The following SVEP1 variants were observed in gnomAD, a reference collection of about 807,000 sequenced individuals.
SVEP1 encodes the protein sushi, von Willebrand factor type A, EGF and pentraxin domain containing 1, also known as sushi, von Willebrand factor type A, EGF and pentraxin domain-containing protein 1.
In SVEP1, 164 loss-of-function variants were observed where a neutral mutation model predicts 367.3. The ratio of observed to expected loss-of-function variants is 0.45; its 90% CI spans 0.39 to 0.51. SVEP1 has a LOEUF of 0.51. Among genes scored for constraint, SVEP1 ranks in the 20% least tolerant of loss-of-function variants. The probability of loss-of-function intolerance (pLI) is 0.00; values close to 1 mark genes in which losing one functional copy is unlikely to be tolerated. For missense variants in SVEP1, 4,117 were observed against 4,425.3 expected, an observed-to-expected ratio of 0.93 and a Z score of 1.98; for synonymous variants, 1,666 against 1,611.6, an observed-to-expected ratio of 1.03 and a Z score of -0.81.
intron 40 of SVEP1, among the ~76,000 whole-genome samples, chr9:110,390,029 A>ATATATATATGTATATATACACG (rs1827606632): frequency 3.0e-5 from 3 of 98,544 alleles, no homozygotes; most frequent in Non-Finnish European, 4.4e-5. Context: ...GTGTGTGTGT[A>ATATATATATGTATATATACACG]TATATATATA....
At chr9:110,550,333 A>G (rs1027927825) in intron 1 of SVEP1, among the ~76,000 whole-genome samples, 1 of 152,216 alleles carries the variant, frequency 6.6e-6, no homozygotes, top group Non-Finnish European at 1.5e-5. Flanking sequence ...ATCCTCATCA[A>G]CATTGCTGAT....
intron 8 of SVEP1, among the ~76,000 whole-genome samples, chr9:110,491,742 G>A (rs1056650311): frequency 2.0e-5 from 3 of 151,754 alleles, no homozygotes; most frequent in Admixed American, 1.3e-4. Flanking sequence ...TATAAATCAT[G>A]GAATAGATAA....
intron 13 of SVEP1, among the ~76,000 whole-genome samples, chr9:110,477,713 C>T (rs139019392): frequency 6.6e-6 from 1 of 152,226 alleles, no homozygotes; most frequent in African/African-American, 2.4e-5. Flanking sequence ...CTCTTTATCC[C>T]ACAATCTACT....
intron 1 of SVEP1, among the ~76,000 whole-genome samples, chr9:110,558,083 T>A (rs567427071): frequency 6.6e-6 from 1 of 152,232 alleles, no homozygotes; most frequent in African/African-American, 2.4e-5. Context: ...AAGATAGATA[T>A]ATCCTCATCC....
chr9:110,573,267 TC>T (rs1830587240), intron 1 of SVEP1, among the ~76,000 whole-genome samples: 1 of 152,074 alleles, frequency 6.6e-6, no homozygotes, highest in Non-Finnish European at 1.5e-5. Flanking sequence ...AAGGCTATTA[TC>T]AGCCTTTGTA....
chr9:110,397,774 C>G (rs1827788533), intron 40 of SVEP1, among the ~76,000 whole-genome samples: 1 of 152,032 alleles, frequency 6.6e-6, no homozygotes, highest in Non-Finnish European at 1.5e-5. Flanking sequence ...ACCTAGGAAT[C>G]CAACTTACAA....
In SVEP1 at chr9:110,482,342, G is replaced by T; in HGVS notation, c.2170+19C>A. On this transcript the variant is annotated intron_variant, in intron 11 of 47. Coordinates refer to ENST00000374469, the MANE Select transcript of SVEP1 (RefSeq NM_153366.4). ...TGTCAAATGTCAACTAGAATTCTGG[G>T]GACTTATGAAGACAATACCTTTTAT... 6.2e-7 allele frequency: 1 copy of T among 1,604,896 alleles called. No individual in the cohort carries two copies.
intron 39 of SVEP1, among the ~76,000 whole-genome samples, chr9:110,401,696 T>A (rs17806526): frequency 0.19 from 29,160 of 151,598 alleles, 2,957 homozygotes; most frequent in Middle Eastern, 0.32. Flanking sequence ...TATTAGTGTT[T>A]TCATTACCCA....
In SVEP1 at chr9:110,528,156, G is replaced by GTGTATGTATATATATATA; in HGVS notation, c.965-14051_965-14050insTATATATATATACATACA. Among the ~76,000 whole-genome samples, 7 of 33,950 alleles carry GTGTATGTATATATATATA rather than the reference G, an allele frequency of 2.1e-4. 1 individual carries two copies. The highest frequency in any genetic ancestry group is 6.3e-4 in the African/African-American group (6 of 9,474). 22.3% of individuals were successfully genotyped at this position (33,950 alleles called of 152,430 possible). A position where few individuals can be genotyped will look rare whatever the true frequency, so the allele number is the denominator to read the frequency against. ...CGTGTGTGTGTGTGTGTGTGTGTGTGTATATATATATATATATATATATAT... is the reference window on the plus strand; with the variant it reads ...CGTGTGTGTGTGTGTGTGTGTGTGTGTGTATGTATATATATATATATATATATATATATATATATATAT... On this transcript the variant is annotated intron_variant, in intron 3 of 47. Coordinates refer to ENST00000374469, the MANE Select transcript of SVEP1 (RefSeq NM_153366.4).
chr9:110,365,651 T>G lies in SVEP1; in HGVS notation c.*888A>C, dbSNP rs1467731939. 1 of 152,312 alleles carries G rather than the reference T, an allele frequency of 6.6e-6. No individual in the cohort carries two copies. The highest frequency in any genetic ancestry group is 1.5e-5 in the Non-Finnish European group (1 of 68,094). The allele number at this position is 152,312 out of a possible 1,614,324, so 9.4% of individuals were successfully genotyped here. On this transcript the variant is annotated 3_prime_UTR_variant, in exon 48 of 48. Coordinates refer to ENST00000374469, the MANE Select transcript of SVEP1 (RefSeq NM_153366.4). Reference sequence around the variant, plus strand: ...CTCTTAGGTGGCTGCAATTCTTTTTTGCAGGTGAGACCAGGAGCACAGCTC... The same window carrying G: ...CTCTTAGGTGGCTGCAATTCTTTTTGGCAGGTGAGACCAGGAGCACAGCTC...
chr9:110,390,223 A>G (rs1827621365), intron 40 of SVEP1, among the ~76,000 whole-genome samples: 1 of 135,160 alleles, frequency 7.4e-6, no homozygotes. Flanking sequence ...ACTTGTATAT[A>G]TACTTATATA....
chr9:110,515,842 T>C (rs1829792520), intron 3 of SVEP1, among the ~76,000 whole-genome samples: 1 of 152,136 alleles, frequency 6.6e-6, no homozygotes, highest in Non-Finnish European at 1.5e-5. Flanking sequence ...CTAGGGACTG[T>C]TCTATATATT....
At chr9:110,575,971 T>C (rs1830623099) in intron 1 of SVEP1, among the ~76,000 whole-genome samples, 1 of 152,130 alleles carries the variant, frequency 6.6e-6, no homozygotes, top group South Asian at 2.1e-4. Flanking sequence ...GGGGATGGAA[T>C]CTTCAAATGA....
intron 36 of SVEP1, among the ~76,000 whole-genome samples, chr9:110,414,887 T>C (rs1296990812): frequency 6.6e-6 from 1 of 152,142 alleles, no homozygotes; most frequent in Non-Finnish European, 1.5e-5. Flanking sequence ...TGAACATATC[T>C]AATAATTGCA....
At chr9:110,563,542 G>C (rs1564177469) in intron 1 of SVEP1, among the ~76,000 whole-genome samples, 12 of 152,098 alleles carry the variant, frequency 7.9e-5, no homozygotes. Flanking sequence ...TAGGGCCTTT[G>C]CAAATTTATT....
chr9:110,389,089 T>A (rs1827577626), intron 41 of SVEP1, among the ~76,000 whole-genome samples: 1 of 152,206 alleles, frequency 6.6e-6, no homozygotes, highest in African/African-American at 2.4e-5. Flanking sequence ...GTTGTTCTCA[T>A]AAAATGAGTT....
At chr9:110,550,945 C>A (rs1170358658) in intron 1 of SVEP1, among the ~76,000 whole-genome samples, 1 of 152,098 alleles carries the variant, frequency 6.6e-6, no homozygotes, top group African/African-American at 2.4e-5. Context: ...AGTGGTGAAT[C>A]TGGCATTTAA....
intron 32 of SVEP1, among the ~76,000 whole-genome samples, 165 bp from the exon 33 acceptor site, chr9:110,430,615 C>A (rs997277558): frequency 6.6e-6 from 1 of 152,128 alleles, no homozygotes; most frequent in Admixed American, 6.5e-5. Context: ...GACATTAGAC[C>A]AGAACATACA....
Position 110,411,244 on chromosome 9 carries a change from T to A in SVEP1, c.6467A>T (p.Tyr2156Phe). Residue 2156 changes from tyrosine to phenylalanine, a missense_variant, in exon 37 of 48, where the codon TAT becomes TTT. Around this residue, in one of 4 missense-constraint regions of SVEP1, gnomAD observed 1,765 missense variants for 1,781.1 expected, o/e 0.99. Coordinates refer to ENST00000374469, the MANE Select transcript of SVEP1 (RefSeq NM_153366.4). Reference sequence around the variant, plus strand: ...AAAACTGTAGTTTGATCCACTTGCATAGCCATTCATGATGCTTGGTGGCTC... The same window carrying A: ...AAAACTGTAGTTTGATCCACTTGCAAAGCCATTCATGATGCTTGGTGGCTC... ...CGEPPSIMNGYASGSNYSFGA... is the reference protein window; with the variant it reads ...CGEPPSIMNGFASGSNYSFGA... 6.2e-7 allele frequency: 1 copy of A among 1,614,034 alleles called. No homozygotes were observed. Among genetic ancestry groups the A allele is most frequent in the Middle Eastern group, 1.6e-4 (1 of 6,062 alleles).
Sources: gnomAD v4.1 joint callset for allele counts (sites outside exome capture counted in the v4.1 genomes callset) on GRCh38, gnomAD v4.1.1 for gene constraint, gnomAD v4.1.1 regional missense constraint, MANE v1.5 for transcripts, NCBI Gene and HGNC (gene_info 2026-07-23, HGNC 2026-07-21) for gene names.